Variants in DISP2 observed in about 807,000 individuals in gnomAD.
The protein encoded by DISP2 is dispatched RND transporter family member 2.
DISP2 carries 59 observed loss-of-function variants against 95.5 expected under a neutral mutation model. That is an observed-to-expected ratio of 0.62 (90% confidence interval 0.50 to 0.77). The LOEUF is 0.77. Among genes scored for constraint, DISP2 ranks in the 30% least tolerant of loss-of-function variants. DISP2 has a pLI of 0.00. For missense variants in DISP2, 1,752 were observed against 1,854.6 expected (o/e 0.94, Z 1.02); for synonymous variants, 827 against 815.0 (o/e 1.01, Z -0.25).
chr15:40,368,478 C>T lies in DISP2; in HGVS notation c.2366C>T (p.Pro789Leu). 1 of 1,609,030 alleles carries T rather than the reference C, an allele frequency of 6.2e-7. No individual in the cohort carries two copies. Among genetic ancestry groups the T allele is most frequent in the Non-Finnish European group, 8.5e-7 (1 of 1,179,880 alleles). ...LPVDTGDPLD[P>L]RSNSSLVRDP... ...GTGGACACTGGCGACCCTCTGGACC[C>T]TCGTAGCAACAGCAGCCTGGTGAGG... Residue 789 changes from proline (P) to leucine (L), a missense_variant, in exon 8 of 8, where the codon CCT becomes CTT. This residue lies in a region of DISP2 where 732 missense variants were observed against 714.6 expected (regional missense o/e 1.02). Transcript: ENST00000267889.
rs1257254867 is a variant in DISP2, at chr15:40,371,827, CAA to C, written c.*1511_*1512del. 1.3e-5 allele frequency: 2 copies of C among 152,210 alleles called. No individual in the cohort carries two copies. The highest frequency in any genetic ancestry group is 2.9e-5 in the Non-Finnish European group (2 of 68,038). The allele number at this position is 152,210 out of a possible 1,614,324, so 9.4% of individuals were successfully genotyped here. On this transcript the variant is annotated 3_prime_UTR_variant, in exon 8 of 8. Transcript: ENST00000267889. ...TGGAAGAAAAATTGAACACCACCCT[CAA>C]AGAGCTCACCTTCTAGCTGGGGAGA... is the stretch of plus-strand genomic sequence containing the variant.
chr15:40,365,199 A>G lies in DISP2; in HGVS notation c.772A>G (p.Ser258Gly). ...RPAPRGSAQE[S>G]AVRPRRMVEP... ...TGCACCCAGAGGCAGTGCCCAGGAG[A>G]GCGCTGTCCGGCCTCGGAGAATGGT... is the stretch of plus-strand genomic sequence containing the variant. The change falls in exon 6 of 8, where the codon AGC becomes GGC. Residue 258 changes from serine (S) to glycine (G), a missense_variant. Physicochemically the swap from Ser to Gly is moderately conservative, Grantham distance 56 (BLOSUM62 0). Transcript: ENST00000267889. The G allele has an allele frequency of 1.2e-6, 2 of 1,614,160 alleles. No individual in the cohort carries two copies. Among genetic ancestry groups the G allele is most frequent in the Non-Finnish European group, 1.7e-6 (2 of 1,180,036 alleles).
At chr15:40,361,410 A>G (rs1295812380) in intron 1 of DISP2, among the ~76,000 whole-genome samples, 2 of 152,256 alleles carry the variant, frequency 1.3e-5, no homozygotes, top group Non-Finnish European at 2.9e-5. Flanking sequence ...CGTGTCTTCC[A>G]CGTGACAGAC....
intron 2 of DISP2, 89 bp from the exon 3 acceptor site, chr15:40,364,137 C>A: frequency 5.1e-6 from 8 of 1,583,702 alleles, no homozygotes; most frequent in Non-Finnish European, 6.9e-6. Context: ...TTATCCCTCA[C>A]CTACCCACTC....
intron 1 of DISP2, among the ~76,000 whole-genome samples, chr15:40,362,429 C>T (rs975920921): frequency 6.6e-6 from 1 of 152,246 alleles, no homozygotes; most frequent in Non-Finnish European, 1.5e-5. Context: ...CCTAGCACCA[C>T]TATTAGCAGC....
Position 40,369,217 on chromosome 15 carries a change from C to T in DISP2, c.3105C>T (p.Asn1035=). 1.2e-6 allele frequency: 2 copies of T among 1,613,950 alleles called. No individual in the cohort carries two copies. The highest frequency in any genetic ancestry group is 8.5e-7 in the Non-Finnish European group (1 of 1,180,040). Residue 1035 remains asparagine (N), a synonymous_variant, in exon 8 of 8, where the codon AAC becomes AAT. Transcript: ENST00000267889. ...GCCTCTCAGTAGACTTCACTGTCAACTACTGCATCTCCTATCACCTGTGCC... is the reference window on the plus strand; with the variant it reads ...GCCTCTCAGTAGACTTCACTGTCAATTACTGCATCTCCTATCACCTGTGCC... The part of the protein sequence containing the change: ...SVGLSVDFTV[N]YCISYHLCPH...
At chr15:40,365,016 G>A in intron 5 of DISP2, 63 bp downstream of exon 5, 2 of 1,600,946 alleles carry the variant, frequency 1.2e-6, no homozygotes, top group Non-Finnish European at 1.7e-6. Flanking sequence ...TCAGGAAGGG[G>A]ACATTGGGTG....
intron 7 of DISP2, 65 bp from the exon 8 acceptor site, chr15:40,366,993 A>G: frequency 6.4e-7 from 1 of 1,573,094 alleles, no homozygotes; most frequent in Non-Finnish European, 8.6e-7. Context: ...AGCCTTGTAT[A>G]GGACTGGGAA....
In DISP2 at chr15:40,378,027, A is replaced by G. The variant is rs1889754652; in HGVS notation, c.*7709A>G. On this transcript the variant is annotated 3_prime_UTR_variant, in exon 8 of 8. Coordinates refer to ENST00000267889, the MANE Select transcript of DISP2 (RefSeq NM_033510.3). ...TTTCTAAGTAACTGAAGTGTATCCC[A>G]GAACAAAACCCAAGAACATTAACAG... The G allele has an allele frequency of 6.6e-6, 1 of 152,244 alleles. No individual in the cohort carries two copies. The highest frequency in any genetic ancestry group is 1.5e-5 in the Non-Finnish European group (1 of 68,036). The allele number at this position is 152,244 out of a possible 1,614,324, so 9.4% of individuals were successfully genotyped here.
Position 40,370,892 on chromosome 15 carries a change from C to A in DISP2, c.*574C>A. 3.6e-6 allele frequency: 1 copy of A among 274,972 alleles called. No homozygotes were observed. The highest frequency in any genetic ancestry group is 7.5e-6 in the Non-Finnish European group (1 of 133,478). 17.0% of individuals were successfully genotyped at this position (274,972 alleles called of 1,614,324 possible). ...CTCTCCTCATACTCACCGGTTTGAC[C>A]AGAAATTCTCCAAATCCAGCCATAG... On this transcript the variant is annotated 3_prime_UTR_variant, in exon 8 of 8. Transcript: ENST00000267889.
At chr15:40,364,767 A>C in intron 4 of DISP2, 71 bp from the exon 5 acceptor site, 1 of 1,493,068 alleles carries the variant, frequency 6.7e-7, no homozygotes, top group Non-Finnish European at 9.1e-7. Context: ...TCAAAGGGGC[A>C]GAGCTGAGAA....
chr15:40,358,342 C>T lies in DISP2; in HGVS notation c.21C>T (p.Ser7=). Residue 7 remains serine (S), a synonymous_variant, in exon 1 of 8, where the codon AGC becomes AGT. Coordinates refer to ENST00000267889, the MANE Select transcript of DISP2 (RefSeq NM_033510.3). ...CGGGCATGGACGGTGACAGCAGCAG[C>T]AGCAGCGGCGGCAGCGGTCCGGCTC... is the stretch of plus-strand genomic sequence containing the variant. MDGDSS[S]SSGGSGPAPG... 7.2e-7 allele frequency: 1 copy of T among 1,394,830 alleles called. No homozygotes were observed. Among genetic ancestry groups the T allele is most frequent in the Non-Finnish European group, 9.3e-7 (1 of 1,072,542 alleles). 86.4% of individuals were successfully genotyped at this position (1,394,830 alleles called of 1,614,324 possible).
rs1268278796 is a variant in DISP2 at position 40,367,285 on chromosome 15, G to A, written c.1173G>A (p.Lys391=). 6.2e-7 allele frequency: 1 copy of A among 1,613,702 alleles called. No homozygotes were observed. Among genetic ancestry groups the A allele is most frequent in the Admixed American group, 1.7e-5 (1 of 59,972 alleles). ...CTTGTCTGGGACCTGGGCAGAACAA[G>A]TCCCCACGCTGTGCCCAGGTTCCCA... ...VPSCLGPGQN[K]SPRCAQVPTK... is the part of the protein sequence containing the mutation. Residue 391 remains lysine, a synonymous_variant, in exon 8 of 8, where the codon AAG becomes AAA. Coordinates refer to ENST00000267889, the MANE Select transcript of DISP2 (RefSeq NM_033510.3).
At position 40,372,882 on chromosome 15, in the gene DISP2, T is replaced by C. The variant is rs1889668467; in HGVS notation, c.*2564T>C. ...ACACCCGAGGGCCCTACCTGGGGATTTCCAGGTCATATTCTTGCAGGCTGT... is the reference window on the plus strand; with the variant it reads ...ACACCCGAGGGCCCTACCTGGGGATCTCCAGGTCATATTCTTGCAGGCTGT... On this transcript the variant is annotated 3_prime_UTR_variant, in exon 8 of 8. Transcript: ENST00000267889. The C allele has an allele frequency of 6.6e-6, 1 of 152,166 alleles. No homozygotes were observed. Among genetic ancestry groups the C allele is most frequent in the Non-Finnish European group, 1.5e-5 (1 of 68,036 alleles). 9.4% of individuals were successfully genotyped at this position (152,166 alleles called of 1,614,324 possible).
At position 40,370,980 on chromosome 15, in the gene DISP2, G is replaced by A. The variant is rs765938871; in HGVS notation, c.*662G>A. On this transcript the variant is annotated 3_prime_UTR_variant, in exon 8 of 8. Transcript: ENST00000267889. The stretch of plus-strand genomic sequence containing the variant: ...CAGCCTTGGAGCATCTCTCAATTAC[G>A]GGACAGTCCCTCTTTGGAAGCAGGC... 1 of 214,036 alleles carries A rather than the reference G, an allele frequency of 4.7e-6. No individual in the cohort carries two copies. The allele number at this position is 214,036 out of a possible 1,614,324, so 13.3% of individuals were successfully genotyped here. A position where few individuals can be genotyped will look rare whatever the true frequency, so the allele number is the denominator to read the frequency against.
In DISP2 at chr15:40,373,760, C is replaced by T. The variant is rs1037005454; in HGVS notation, c.*3442C>T. The T allele has an allele frequency of 1.3e-5, 2 of 151,550 alleles. No individual in the cohort carries two copies. The highest frequency in any genetic ancestry group is 4.9e-5 in the African/African-American group (2 of 41,122). 9.4% of individuals were successfully genotyped at this position (151,550 alleles called of 1,614,324 possible). On this transcript the variant is annotated 3_prime_UTR_variant, in exon 8 of 8. Coordinates refer to ENST00000267889, the MANE Select transcript of DISP2 (RefSeq NM_033510.3). ...GTGGCTCACGCCTGTAATCCCAGCA[C>T]TTTGGGAGGCCAAGGCAGGTGGATC... is the stretch of plus-strand genomic sequence containing the variant.
chr15:40,364,699 A>G, intron 4 of DISP2, 139 bp from the exon 5 acceptor site: 1 of 1,407,582 alleles, frequency 7.1e-7, no homozygotes, highest in Non-Finnish European at 9.6e-7. Flanking sequence ...GATGGTATAA[A>G]GTTCAGACTC....
Position 40,369,818 on chromosome 15 carries a change from C to A in DISP2, c.3706C>A (p.Pro1236Thr). The change falls in exon 8 of 8, where the codon CCC (proline) becomes ACC (threonine). Residue 1236 changes from proline to threonine, a missense_variant. This residue lies in a region of DISP2 where 347 missense variants were observed against 344.2 expected (regional missense o/e 1.01). Coordinates refer to ENST00000267889, the MANE Select transcript of DISP2 (RefSeq NM_033510.3). ...SQCPALQTSS[P>T]YKQAGPSPKT... Reference sequence around the variant, plus strand: ...GTGCCCTGCCCTGCAGACCTCCTCCCCCTATAAGCAGGCTGGCCCCAGCCC... The same window carrying A: ...GTGCCCTGCCCTGCAGACCTCCTCCACCTATAAGCAGGCTGGCCCCAGCCC... 1 of 1,588,592 alleles carries A rather than the reference C, an allele frequency of 6.3e-7. No individual in the cohort carries two copies. The highest frequency in any genetic ancestry group is 8.6e-7 in the Non-Finnish European group (1 of 1,164,400).
Position 40,369,246 on chromosome 15 carries a change from A to C in DISP2, c.3134A>C (p.His1045Pro), listed in dbSNP as rs1595729553. 6.2e-7 allele frequency: 1 copy of C among 1,613,700 alleles called. No individual in the cohort carries two copies. Among genetic ancestry groups the C allele is most frequent in the South Asian group, 1.1e-5 (1 of 91,072 alleles). ...TGCATCTCCTATCACCTGTGCCCACACCCTGACCGCCTGAGCCGTGTGGCC... is the reference window on the plus strand; with the variant it reads ...TGCATCTCCTATCACCTGTGCCCACCCCCTGACCGCCTGAGCCGTGTGGCC... ...NYCISYHLCP[H>P]PDRLSRVAFS... Residue 1045 changes from histidine to proline, a missense_variant, in exon 8 of 8, where the codon CAC becomes CCC. Physicochemically the swap from His to Pro is moderately conservative, Grantham distance 77. This residue lies in a region of DISP2 where 317 missense variants were observed against 394.9 expected (regional missense o/e 0.80). Coordinates refer to ENST00000267889, the MANE Select transcript of DISP2 (RefSeq NM_033510.3).
Sources: allele counts gnomAD v4.1 joint callset (sites outside exome capture counted in the v4.1 genomes callset), GRCh38; gene constraint gnomAD v4.1.1; regional missense constraint gnomAD v4.1.1; transcripts MANE v1.5; gene names NCBI Gene and HGNC (gene_info 2026-07-23, HGNC 2026-07-21).